CHD1L: variants seen among roughly 807,000 people sequenced by gnomAD.
The protein encoded by CHD1L is ATP-dependent chromatin remodeler CHD1L.
A neutral mutation model predicts 115.9 loss-of-function variants in CHD1L; 118 were observed. That is an observed-to-expected ratio of 1.02 (90% CI 0.88 to 1.19). The LOEUF (loss-of-function observed/expected upper bound fraction) is 1.19. Ranked by LOEUF, CHD1L falls within the 50% of genes most tolerant of loss-of-function variation. CHD1L has a pLI of 0.00. For synonymous variants in CHD1L, 411 were observed against 387.1 expected (o/e 1.06, Z -0.72); for missense variants, 1,179 against 1,065.3 (o/e 1.11, Z -1.49).
At chr1:147,198,818 T>C in the CHD1L span, among the ~76,000 whole-genome samples, 18 of 122,154 alleles carry the variant, frequency 1.5e-4, no homozygotes, top group African/African-American at 5.7e-4. Context: ...GCCACTGCAC[T>C]CCAGCCTGGG....
chr1:147,176,005 G>T, the CHD1L span: 1 of 150,962 alleles, frequency 6.6e-6, no homozygotes, highest in Non-Finnish European at 1.5e-5. Flanking sequence ...AATTTTGAAG[G>T]GGAGGTATGG....
chr1:147,234,229 C>T, the CHD1L span, among the ~76,000 whole-genome samples: 6 of 152,350 alleles, frequency 3.9e-5, no homozygotes, highest in Non-Finnish European at 5.9e-5. Flanking sequence ...TCGGAGCCTT[C>T]GCAGCCTCCA....
intron 13 of CHD1L, among the ~76,000 whole-genome samples, chr1:147,275,802 A>G (rs1571994067): frequency 6.6e-6 from 1 of 150,946 alleles, no homozygotes; most frequent in East Asian, 1.9e-4. Flanking sequence ...AAAAAGAAAG[A>G]TAGATGTTGC....
At chr1:147,178,602 A>G in the CHD1L span, 3 of 1,601,760 alleles carry the variant, frequency 1.9e-6, no homozygotes, top group Non-Finnish European at 2.6e-6. Context: ...TCGATGATTC[A>G]TTCAGTGAAG....
chr1:147,214,996 C>T, the CHD1L span: 2 of 152,062 alleles, frequency 1.3e-5, no homozygotes. Flanking sequence ...AAAGGCATGA[C>T]TTAGCAGGAT....
the CHD1L span, among the ~76,000 whole-genome samples, chr1:147,233,717 G>A: frequency 3.3e-5 from 5 of 152,104 alleles, no homozygotes; most frequent in African/African-American, 1.2e-4. Context: ...GAAAGAAGTA[G>A]ACATGGGAGA....
Position 147,269,667 on chromosome 1 carries a change from CAA to C in CHD1L, c.1085+808_1085+809del, listed in dbSNP as rs10649680. On this transcript the variant is annotated intron_variant, in intron 10 of 22. Transcript: ENST00000369258. Reference sequence around the variant, plus strand: ...CTGGTGACAGAGCGAGGCTCCATCTCAAAAAAAAAAAAAAAAAAAAGACCAGG... The same window carrying C: ...CTGGTGACAGAGCGAGGCTCCATCTCAAAAAAAAAAAAAAAAAAGACCAGG... Among the ~76,000 whole-genome samples, 11 of 93,256 alleles carry C rather than the reference CAA, an allele frequency of 1.2e-4. No homozygotes were observed. The East Asian group carries it at 1.7e-3, about 14-fold the overall frequency. The allele number at this position is 93,256 out of a possible 152,430, so 61.2% of individuals were successfully genotyped here.
the CHD1L span, among the ~76,000 whole-genome samples, chr1:147,219,866 TCTCGCTCTATTGCC>T: frequency 7.7e-6 from 1 of 129,592 alleles, no homozygotes; most frequent in Non-Finnish European, 1.6e-5. Flanking sequence ...TGAGACAGAG[TCTCGCTCTATTGCC>T]CAGGCTAGAG....
the CHD1L span, chr1:147,224,790 G>A: frequency 1.9e-5 from 21 of 1,079,544 alleles, no homozygotes; most frequent in African/African-American, 9.3e-5. Context: ...GATTACAGGC[G>A]TGTGCCAACC....
chr1:147,284,146 G>A (rs1682087530), intron 15 of CHD1L, among the ~76,000 whole-genome samples: 1 of 152,132 alleles, frequency 6.6e-6, no homozygotes, highest in Non-Finnish European at 1.5e-5. Flanking sequence ...CTCTCCCCTT[G>A]GAAAAGTAAA....
At chr1:147,295,055 CTATTA>C (rs1459601408) in intron 22 of CHD1L, among the ~76,000 whole-genome samples, 3 of 152,278 alleles carry the variant, frequency 2.0e-5, no homozygotes, top group Non-Finnish European at 4.4e-5. Flanking sequence ...ATATTTTGAA[CTATTA>C]TATTGAGTCC....
intron 1 of CHD1L, among the ~76,000 whole-genome samples, chr1:147,248,195 C>T (rs1667223453): frequency 7.7e-6 from 1 of 129,600 alleles, no homozygotes; most frequent in African/African-American, 3.0e-5. Context: ...GTTTAAAATC[C>T]ACTCTGGAAG....
At chr1:147,229,118 T>C in the CHD1L span, among the ~76,000 whole-genome samples, 1 of 152,222 alleles carries the variant, frequency 6.6e-6, no homozygotes, top group Non-Finnish European at 1.5e-5. Flanking sequence ...GCCTAGGTTT[T>C]CTTCTAGGGT....
At chr1:147,278,194 G>A (rs1679273000) in intron 14 of CHD1L, among the ~76,000 whole-genome samples, 1 of 149,346 alleles carries the variant, frequency 6.7e-6, no homozygotes, top group African/African-American at 2.5e-5. Context: ...AAGAAAGCAG[G>A]GGATTTTTGT....
chr1:147,255,951 G>A (rs1553940077), intron 4 of CHD1L, 24 bp downstream of exon 4: 9 of 1,515,184 alleles, frequency 5.9e-6, no homozygotes, highest in African/African-American at 4.1e-5. Flanking sequence ...TCTCTATAGC[G>A]AGAACTCCTA....
the CHD1L span, among the ~76,000 whole-genome samples, chr1:147,217,580 A>G: frequency 5.3e-5 from 8 of 152,168 alleles, no homozygotes; most frequent in Admixed American, 6.5e-5. Context: ...TTATTGCTTA[A>G]TTATTCAATC....
intron 7 of CHD1L, among the ~76,000 whole-genome samples, chr1:147,265,702 T>C (rs1559788166): frequency 6.6e-6 from 1 of 152,194 alleles, no homozygotes; most frequent in East Asian, 1.9e-4. Flanking sequence ...GCAAATGAGA[T>C]AAGAAGTTAT....
At chr1:147,208,742 G>A in the CHD1L span, 2 of 876,538 alleles carry the variant, frequency 2.3e-6, no homozygotes, top group Admixed American at 2.1e-5. Flanking sequence ...CCCAGCCACT[G>A]TGGGTTTTCT....
At chr1:147,188,264 T>C in the CHD1L span, among the ~76,000 whole-genome samples, 1 of 152,174 alleles carries the variant, frequency 6.6e-6, no homozygotes, top group Non-Finnish European at 1.5e-5. Flanking sequence ...GTTTCATGCC[T>C]GTAATCCTAG....
Sources: allele counts gnomAD v4.1 joint callset (sites outside exome capture counted in the v4.1 genomes callset), GRCh38; gene constraint gnomAD v4.1.1; transcripts MANE v1.5; gene names NCBI Gene and HGNC (gene_info 2026-07-23, HGNC 2026-07-21).